Variants in HPSE observed in about 807,000 individuals in gnomAD.
HPSE encodes the protein heparanase.
HPSE carries 48 observed loss-of-function variants against 65.1 expected under a neutral mutation model. The observed-to-expected ratio is 0.74, with a 90% CI of 0.58 to 0.94. The LOEUF (loss-of-function observed/expected upper bound fraction) is 0.94. Among genes scored for constraint, HPSE ranks in the 40% least tolerant of loss-of-function variants. The probability of loss-of-function intolerance (pLI) is 0.00; values close to 1 mark genes in which losing one functional copy is unlikely to be tolerated. For synonymous variants in HPSE, 243 were observed against 260.0 expected (o/e 0.93, Z 0.63); for missense variants, 644 against 637.5 (o/e 1.01, Z -0.11).
At chr4:83,328,545 C>T (rs548964239) in intron 1 of HPSE, among the ~76,000 whole-genome samples, 1 of 152,228 alleles carries the variant, frequency 6.6e-6, no homozygotes, top group South Asian at 2.1e-4. Flanking sequence ...CTCATTCAAC[C>T]CATAACAAAG....
At chr4:83,302,385 G>T in intron 9 of HPSE, 117 bp from the exon 10 acceptor site, 1 of 655,416 alleles carries the variant, frequency 1.5e-6, no homozygotes, top group Non-Finnish European at 2.7e-6. Flanking sequence ...GTTATCCTGG[G>T]GGCATTTAAA....
At chr4:83,331,616 T>G (rs1021938717) in intron 1 of HPSE, among the ~76,000 whole-genome samples, 2 of 152,254 alleles carry the variant, frequency 1.3e-5, no homozygotes, top group Admixed American at 6.5e-5. Context: ...TTTCAAATTT[T>G]AGATTGCTCT....
intron 1 of HPSE, among the ~76,000 whole-genome samples, chr4:83,333,299 C>T (rs1737472721): frequency 6.6e-6 from 1 of 152,178 alleles, no homozygotes; most frequent in Admixed American, 6.5e-5. Flanking sequence ...TGAGAAATTC[C>T]ATTCTACAGC....
chr4:83,309,901 C>A, intron 6 of HPSE, 130 bp downstream of exon 6: 1 of 643,008 alleles, frequency 1.6e-6, no homozygotes, highest in Non-Finnish European at 2.7e-6. Context: ...TACAGTGCTA[C>A]TTGAGACACT....
intron 9 of HPSE, among the ~76,000 whole-genome samples, chr4:83,304,231 T>C (rs192094052): frequency 7.6e-4 from 115 of 152,300 alleles, no homozygotes; most frequent in South Asian, 2.1e-3. Flanking sequence ...TAGATTCTTC[T>C]AGTGCCATCT....
chr4:83,295,822 C>T (rs1301996547), intron 11 of HPSE, among the ~76,000 whole-genome samples: 2 of 152,152 alleles, frequency 1.3e-5, no homozygotes, highest in African/African-American at 2.4e-5. Flanking sequence ...AAAGGATAAA[C>T]ATGACACAAC....
intron 11 of HPSE, among the ~76,000 whole-genome samples, chr4:83,300,353 G>T (rs1735891933): frequency 6.6e-6 from 1 of 152,152 alleles, no homozygotes; most frequent in African/African-American, 2.4e-5. Flanking sequence ...TTTTGCTTTA[G>T]TGAATGTGTT....
intron 3 of HPSE, among the ~76,000 whole-genome samples, chr4:83,314,282 A>AAAC (rs1166773653): frequency 1.2e-4 from 18 of 148,698 alleles, no homozygotes; most frequent in African/African-American, 3.0e-4. Flanking sequence ...AAAAACAAAC[A>AAAC]AAAAAAAAAG....
At chr4:83,318,286 G>T (rs6535463) in intron 3 of HPSE, among the ~76,000 whole-genome samples, 121,226 of 152,094 alleles carry the variant, frequency 0.8, 48,469 homozygotes, top group East Asian at 0.87. Flanking sequence ...ATCCCTCAGT[G>T]GGGTATAAAC....
intron 1 of HPSE, among the ~76,000 whole-genome samples, chr4:83,322,984 T>A (rs1437454578): frequency 6.6e-6 from 1 of 152,056 alleles, no homozygotes; most frequent in Non-Finnish European, 1.5e-5. Context: ...ATGTTTTAAC[T>A]TGACAAGTAG....
Position 83,300,988 on chromosome 4 carries a change from G to T in HPSE, c.1444C>A (p.Pro482Thr). 1 of 1,606,676 alleles carries T rather than the reference G, an allele frequency of 6.2e-7. No individual in the cohort carries two copies. Among genetic ancestry groups the T allele is most frequent in the Non-Finnish European group, 8.5e-7 (1 of 1,175,826 alleles). The change falls in exon 11 of 12, where the codon CCT (proline) becomes ACT (threonine). Residue 482 changes from proline to threonine, a missense_variant. Physicochemically the swap from Pro to Thr is conservative, Grantham distance 38. Coordinates refer to ENST00000311412, the MANE Select transcript of HPSE (RefSeq NM_001098540.3). ...NKQVDKYLLR[P>T]LGPHGLLSKS... ...GAAAGTAATCCATGAGGTCCCAAAG[G>T]TCTTAGAAGGTATTTATCCACTTGC... is the stretch of plus-strand genomic sequence containing the variant.
rs758470070 is a variant in HPSE at position 83,308,954 on chromosome 4, A to G, written c.985-3T>C. On this transcript the variant is annotated splice_region_variant and splice_polypyrimidine_tract_variant and intron_variant, in intron 7 of 11. Coordinates refer to ENST00000311412, the MANE Select transcript of HPSE (RefSeq NM_001098540.3). The stretch of plus-strand genomic sequence containing the variant: ...CCAGGCCTGGTGCTCTCAACCACCT[A>G]TAGAACAGAAAAGTATCCATGGTAA... 3.1e-6 allele frequency: 5 copies of G among 1,612,938 alleles called. No individual in the cohort carries two copies. The highest frequency in any genetic ancestry group is 3.4e-6 in the Non-Finnish European group (4 of 1,178,934).
intron 1 of HPSE, among the ~76,000 whole-genome samples, chr4:83,333,362 A>T (rs1353590824): frequency 6.6e-6 from 1 of 152,218 alleles, no homozygotes; most frequent in Non-Finnish European, 1.5e-5. Context: ...CAAGTCACTC[A>T]TCTTTGCCAG....
At position 83,292,868 on chromosome 4, in the gene HPSE, G is replaced by T. The variant is rs1735598830; in HGVS notation, c.*2476C>A. 6.6e-6 allele frequency: 1 copy of T among 152,156 alleles called. No homozygotes were observed. The highest frequency in any genetic ancestry group is 1.5e-5 in the Non-Finnish European group (1 of 68,036). The allele number at this position is 152,156 out of a possible 1,614,324, so 9.4% of individuals were successfully genotyped here. On this transcript the variant is annotated 3_prime_UTR_variant, in exon 12 of 12. Coordinates refer to ENST00000311412, the MANE Select transcript of HPSE (RefSeq NM_001098540.3). The stretch of plus-strand genomic sequence containing the variant: ...TGTTGGAGACTCAGAAGGGAAGAGG[G>T]CGGAAGGAGGGTAATGGATGAAAAA...
chr4:83,310,024 T>C lies in HPSE; in HGVS notation c.890+7A>G, dbSNP rs1232737035. On this transcript the variant is annotated splice_region_variant and intron_variant, in intron 6 of 11. Coordinates refer to ENST00000311412, the MANE Select transcript of HPSE (RefSeq NM_001098540.3). ...TTCCTAGTATTAAGAATAGGAGACA[T>C]ACTTACTGATGCCATGTAACTGAAT... 10 of 1,603,556 alleles carry C rather than the reference T, an allele frequency of 6.2e-6. No homozygotes were observed. Among genetic ancestry groups the C allele is most frequent in the Middle Eastern group, 1.6e-4 (1 of 6,062 alleles).
chr4:83,306,946 G>A (rs1472038398), intron 8 of HPSE, among the ~76,000 whole-genome samples: 3 of 152,070 alleles, frequency 2.0e-5, no homozygotes, highest in African/African-American at 7.2e-5. Flanking sequence ...TGAACTGGGT[G>A]GATCATTTGA....
chr4:83,332,399 T>G (rs77352518), intron 1 of HPSE, among the ~76,000 whole-genome samples: 2 of 152,364 alleles, frequency 1.3e-5, no homozygotes, highest in Non-Finnish European at 2.9e-5. Context: ...TGCTTGTCGA[T>G]GCGTCTGGGG....
At chr4:83,311,850 T>C (rs1405685489) in intron 4 of HPSE, among the ~76,000 whole-genome samples, 1 of 151,746 alleles carries the variant, frequency 6.6e-6, no homozygotes, top group African/African-American at 2.4e-5. Flanking sequence ...CTACATTTCA[T>C]TTCCCATTTA....
chr4:83,313,189 T>C lies in HPSE; in HGVS notation c.598A>G (p.Asn200Asp), dbSNP rs1736484999. The change falls in exon 4 of 12, where the codon AAC becomes GAC. Residue 200 changes from asparagine to aspartate, a missense_variant. Coordinates refer to ENST00000311412, the MANE Select transcript of HPSE (RefSeq NM_001098540.3). ...ALLRTADLQW[N>D]SSNAQLLLDY... ...AGGAGCAACTGAGCATTAGAACTGT[T>C]CCACTGCAAATCTGCTGTTCTTAAT... 1 of 1,613,894 alleles carries C rather than the reference T, an allele frequency of 6.2e-7. No homozygotes were observed. The highest frequency in any genetic ancestry group is 1.3e-5 in the African/African-American group (1 of 75,030).
Sources: allele counts gnomAD v4.1 joint callset (sites outside exome capture counted in the v4.1 genomes callset), GRCh38; gene constraint gnomAD v4.1.1; transcripts MANE v1.5; gene names NCBI Gene and HGNC (gene_info 2026-07-23, HGNC 2026-07-21).